The following FAR2 variants were observed in gnomAD, a reference collection of about 807,000 sequenced individuals.
FAR2 encodes epididymis secretory protein Li 81.
FAR2 carries 19 observed loss-of-function variants against 56.0 expected under a neutral mutation model. The observed-to-expected ratio is 0.34, with a 90% CI of 0.24 to 0.50. The LOEUF (loss-of-function observed/expected upper bound fraction) is 0.50. Ranked by LOEUF, FAR2 falls within the 20% of genes least tolerant of loss-of-function variation. The pLI is 0.98. For synonymous variants in FAR2, 219 were observed against 218.8 expected, an observed-to-expected ratio of 1.00 and a Z score of -0.01; for missense variants, 508 against 642.2, an observed-to-expected ratio of 0.79 and a Z score of 2.26.
intron 8 of FAR2, among the ~76,000 whole-genome samples, chr12:29,313,602 A>C (rs1949390334): frequency 6.6e-6 from 1 of 152,212 alleles, no homozygotes; most frequent in South Asian, 2.1e-4. Flanking sequence ...ATAGTTAAAG[A>C]ATTTTGCAGG....
chr12:29,327,829 A>C (rs1377322567), intron 10 of FAR2, among the ~76,000 whole-genome samples: 1 of 152,174 alleles, frequency 6.6e-6, no homozygotes, highest in East Asian at 1.9e-4. Flanking sequence ...AATACCATTC[A>C]GGACACAGGC....
Position 29,332,604 on chromosome 12 carries a change from T to C in FAR2, c.1262T>C (p.Phe421Ser), listed in dbSNP as rs1949746200. ...SELSPEDQRV[F>S]NFDVRQLNWL... ...ATAATCTCTCTTGCCTCTCAGGTAT[T>C]CAACTTTGACGTGCGCCAGTTGAAC... The change falls in exon 11 of 12, where the codon TTC (phenylalanine) becomes TCC (serine). Residue 421 changes from phenylalanine (F) to serine (S), a missense_variant. Coordinates refer to ENST00000536681, the MANE Select transcript of FAR2 (RefSeq NM_001271783.2). The C allele has an allele frequency of 6.2e-7, 1 of 1,613,558 alleles. No individual in the cohort carries two copies. The highest frequency in any genetic ancestry group is 8.5e-7 in the Non-Finnish European group (1 of 1,179,686).
chr12:29,211,019 A>G (rs201688532), intron 1 of FAR2, among the ~76,000 whole-genome samples: 4 of 150,888 alleles, frequency 2.7e-5, no homozygotes, highest in African/African-American at 7.3e-5. Context: ...GTGTGTGTGT[A>G]TGTGTGTGTG....
intron 1 of FAR2, among the ~76,000 whole-genome samples, chr12:29,253,199 C>CTAGT (rs1176532294): frequency 1.3e-5 from 2 of 150,082 alleles, no homozygotes; most frequent in African/African-American, 2.5e-5. Context: ...ATCTATCTAT[C>CTAGT]TAGATAGGTA....
intron 10 of FAR2, among the ~76,000 whole-genome samples, chr12:29,323,180 G>C (rs1949581633): frequency 6.6e-6 from 1 of 152,242 alleles, no homozygotes. Context: ...CAAACTGCAA[G>C]GCAGCAGTGA....
rs150863460 is a variant in FAR2 at position 29,166,375 on chromosome 12, G to A, written c.-39+16968G>A. ...TTATTATGTCCATTATTTTATGTGA[G>A]TCCCTGAGTAACCTTGTGAGGTGGA... is the stretch of plus-strand genomic sequence containing the variant. On this transcript the variant is annotated intron_variant, in intron 1 of 11. Coordinates refer to ENST00000536681, the MANE Select transcript of FAR2 (RefSeq NM_001271783.2). Among the ~76,000 whole-genome samples, 22 of 152,236 alleles carry A rather than the reference G, an allele frequency of 1.4e-4. No individual in the cohort carries two copies. The East Asian group carries it at 4.2e-3, about 29-fold the overall frequency.
At chr12:29,329,745 C>A (rs1949703920) in intron 10 of FAR2, among the ~76,000 whole-genome samples, 2 of 152,004 alleles carry the variant, frequency 1.3e-5, no homozygotes, top group South Asian at 4.2e-4. Flanking sequence ...TATTAATACT[C>A]CAAATCTCAC....
intron 10 of FAR2, among the ~76,000 whole-genome samples, chr12:29,328,730 C>T (rs751659301): frequency 1.8e-4 from 15 of 84,526 alleles, no homozygotes; most frequent in Non-Finnish European, 2.8e-4. Context: ...CATCACACAC[C>T]GGGGCCTGTT....
intron 1 of FAR2, among the ~76,000 whole-genome samples, chr12:29,186,008 T>C (rs1432495312): frequency 6.6e-6 from 1 of 152,236 alleles, no homozygotes; most frequent in African/African-American, 2.4e-5. Flanking sequence ...AGCAACATCA[T>C]GTGAGGCGTA....
At chr12:29,269,502 T>G (rs533227040) in intron 1 of FAR2, among the ~76,000 whole-genome samples, 2 of 152,172 alleles carry the variant, frequency 1.3e-5, no homozygotes, top group Non-Finnish European at 2.9e-5. Flanking sequence ...TGAGGCGACA[T>G]ACATCCTCCT....
At chr12:29,324,807 A>G (rs1226447343) in intron 10 of FAR2, among the ~76,000 whole-genome samples, 3 of 152,232 alleles carry the variant, frequency 2.0e-5, no homozygotes, top group African/African-American at 7.2e-5. Flanking sequence ...GCCAAATTGT[A>G]AGGATCATCA....
intron 1 of FAR2, among the ~76,000 whole-genome samples, chr12:29,226,317 A>G (rs1947767983): frequency 6.6e-6 from 1 of 152,214 alleles, no homozygotes; most frequent in Non-Finnish European, 1.5e-5. Context: ...CTTCACACCT[A>G]TAGCCCAGGC....
chr12:29,166,723 C>T (rs1949833365), intron 1 of FAR2, among the ~76,000 whole-genome samples: 1 of 152,172 alleles, frequency 6.6e-6, no homozygotes, highest in Admixed American at 6.5e-5. Flanking sequence ...AAGGCAAGTC[C>T]TCAGGCTTTG....
In FAR2 at chr12:29,297,120, T is replaced by C. The variant is rs1591942042; in HGVS notation, c.465T>C (p.Tyr155=). The C allele has an allele frequency of 3.7e-6, 6 of 1,614,106 alleles. No individual in the cohort carries two copies. The East Asian group carries it at 1.3e-4, about 36-fold the overall frequency. The change falls in exon 4 of 12, where the codon TAT becomes TAC. Residue 155 remains tyrosine (Y), a synonymous_variant. Transcript: ENST00000536681. The part of the protein sequence containing the change: ...LEAFIHISTA[Y]SNCNLKHIDE... ...CCTTTATACATATCTCTACTGCCTA[T>C]TCAAATTGTAACCTGAAGCACATCG... is the stretch of plus-strand genomic sequence containing the variant.
intron 10 of FAR2, among the ~76,000 whole-genome samples, chr12:29,330,428 A>G (rs567231813): frequency 6.6e-6 from 1 of 152,322 alleles, no homozygotes; most frequent in South Asian, 2.1e-4. Flanking sequence ...AGCAAAAGCA[A>G]TATGCACAAT....
At chr12:29,262,753 A>G (rs151334828) in intron 1 of FAR2, among the ~76,000 whole-genome samples, 4 of 152,256 alleles carry the variant, frequency 2.6e-5, no homozygotes, top group African/African-American at 9.6e-5. Flanking sequence ...CCACAAAACA[A>G]CCAGAAACTA....
chr12:29,213,552 TA>T (rs1468779377), intron 1 of FAR2, among the ~76,000 whole-genome samples: 2 of 152,026 alleles, frequency 1.3e-5, no homozygotes, highest in Non-Finnish European at 2.9e-5. Context: ...TAACCGGGTG[TA>T]GTGGTGTACG....
At chr12:29,315,625 A>T (rs1057141514) in intron 8 of FAR2, among the ~76,000 whole-genome samples, 12 of 152,196 alleles carry the variant, frequency 7.9e-5, no homozygotes, top group Admixed American at 6.5e-4. Context: ...GGTGGAAATT[A>T]TGATTCTGGG....
Position 29,321,778 on chromosome 12 carries a change from T to C in FAR2, c.1128-17T>C, listed in dbSNP as rs1238181791. ...AGTGGTGCGCTGATATTTACTCCTA[T>C]CTGATGGTTATCTCAGGATGACAAA... On this transcript the variant is annotated splice_polypyrimidine_tract_variant and intron_variant, in intron 9 of 11. Coordinates refer to ENST00000536681, the MANE Select transcript of FAR2 (RefSeq NM_001271783.2). 1 of 1,611,856 alleles carries C rather than the reference T, an allele frequency of 6.2e-7. No individual in the cohort carries two copies. Among genetic ancestry groups the C allele is most frequent in the East Asian group, 2.2e-5 (1 of 44,776 alleles).
Sources: allele counts gnomAD v4.1 joint callset (sites outside exome capture counted in the v4.1 genomes callset), GRCh38; gene constraint gnomAD v4.1.1; transcripts MANE v1.5; gene names NCBI Gene and HGNC (gene_info 2026-07-23, HGNC 2026-07-21).